PDZRN3: variants seen among roughly 807,000 people sequenced by gnomAD.
PDZRN3 encodes the protein PDZ domain containing ring finger 3.
In PDZRN3, 38 loss-of-function variants were observed where a neutral mutation model predicts 85.7. The ratio of observed to expected loss-of-function variants is 0.44; its 90% CI spans 0.34 to 0.58. The LOEUF (loss-of-function observed/expected upper bound fraction) is 0.58. Among genes scored for constraint, PDZRN3 ranks in the 20% least tolerant of loss-of-function variants. The pLI is 0.01. For missense variants in PDZRN3, 1,629 were observed against 1,506.4 expected (o/e 1.08, Z -1.35); for synonymous variants, 759 against 638.0 (o/e 1.19, Z -2.86).
In PDZRN3 at chr3:73,391,027, A is replaced by G; in HGVS notation, c.1344T>C (p.Tyr448=). 3 of 1,610,576 alleles carry G rather than the reference A, an allele frequency of 1.9e-6. No individual in the cohort carries two copies. The highest frequency in any genetic ancestry group is 2.5e-6 in the Non-Finnish European group (3 of 1,176,874). Residue 448 remains tyrosine, a synonymous_variant, in exon 6 of 10, where the codon TAT becomes TAC. Transcript: ENST00000263666. ...AAATCAGCCTTTGTACCTCACTGAT[A>G]TAAATCCCAATGTCGTCTTCATCGT... is the stretch of plus-strand genomic sequence containing the variant. The part of the protein sequence containing the change: ...RTDDEDDIGI[Y]ISEIDPNSIA...
chr3:73,446,825 T>C (rs1267863323), intron 3 of PDZRN3, among the ~76,000 whole-genome samples: 1 of 151,984 alleles, frequency 6.6e-6, no homozygotes, highest in Non-Finnish European at 1.5e-5. Context: ...TGAATCCTAC[T>C]GCATCGAGTG....
intron 3 of PDZRN3, among the ~76,000 whole-genome samples, chr3:73,582,676 C>T (rs1702218680): frequency 1.3e-5 from 2 of 152,112 alleles, no homozygotes; most frequent in South Asian, 4.1e-4. Flanking sequence ...GGAAAGCACA[C>T]AGAGCCAGAT....
At chr3:73,414,951 C>CATTA (rs140870606) in intron 3 of PDZRN3, among the ~76,000 whole-genome samples, 54 of 152,332 alleles carry the variant, frequency 3.5e-4, no homozygotes, top group African/African-American at 1.2e-3. Flanking sequence ...CAATGCTTAA[C>CATTA]ACTTCCGCGT....
At chr3:73,595,820 T>C (rs544155838) in intron 3 of PDZRN3, among the ~76,000 whole-genome samples, 5 of 152,274 alleles carry the variant, frequency 3.3e-5, no homozygotes, top group South Asian at 2.1e-4. Context: ...GATATACAGA[T>C]GGATGAATGC....
chr3:73,547,533 T>G (rs1280498820), intron 3 of PDZRN3, among the ~76,000 whole-genome samples: 1 of 152,214 alleles, frequency 6.6e-6, no homozygotes, highest in Non-Finnish European at 1.5e-5. Context: ...TTAAAGGAGC[T>G]CCTCCTCGAG....
intron 3 of PDZRN3, among the ~76,000 whole-genome samples, chr3:73,443,498 T>TGG (rs1553689624): frequency 5.4e-5 from 7 of 129,118 alleles, no homozygotes; most frequent in South Asian, 4.8e-4. Context: ...TTTTTTTTTT[T>TGG]GGGGGGGGGA....
In PDZRN3 at chr3:73,383,993, G is replaced by C; in HGVS notation, c.2573C>G (p.Ala858Gly). 2 of 1,589,798 alleles carry C rather than the reference G, an allele frequency of 1.3e-6. No homozygotes were observed. Among genetic ancestry groups the C allele is most frequent in the Non-Finnish European group, 1.7e-6 (2 of 1,170,172 alleles). ...SPTPSQKLGS[A>G]YLPSYHHSPY... ...GGAGTGGTGATAGGAGGGCAGGTAG[G>C]CGCTGCCCAGCTTCTGGCTGGGCGT... Residue 858 changes from alanine to glycine, a missense_variant, in exon 10 of 10, where the codon GCC becomes GGC. Transcript: ENST00000263666.
chr3:73,429,140 G>A (rs1442956206), intron 3 of PDZRN3, among the ~76,000 whole-genome samples: 2 of 151,826 alleles, frequency 1.3e-5, no homozygotes, highest in Admixed American at 6.6e-5. Flanking sequence ...TGAACTCCTG[G>A]GCTCGAGCAA....
chr3:73,599,606 T>C (rs921288084), intron 3 of PDZRN3, among the ~76,000 whole-genome samples: 2 of 152,250 alleles, frequency 1.3e-5, no homozygotes, highest in African/African-American at 4.8e-5. Flanking sequence ...CACATGTATG[T>C]CTTGCCATAT....
At chr3:73,479,924 G>A (rs992274470) in intron 3 of PDZRN3, among the ~76,000 whole-genome samples, 2 of 152,198 alleles carry the variant, frequency 1.3e-5, no homozygotes, top group Non-Finnish European at 2.9e-5. Context: ...AATTAGATTA[G>A]CTGCAAGGGA....
intron 3 of PDZRN3, among the ~76,000 whole-genome samples, chr3:73,547,878 G>A (rs1019726924): frequency 2.6e-5 from 4 of 152,216 alleles, no homozygotes; most frequent in Non-Finnish European, 5.9e-5. Flanking sequence ...GAAGAATGAA[G>A]CGGGGGAGGG....
chr3:73,563,025 T>A (rs1372712889), intron 3 of PDZRN3, among the ~76,000 whole-genome samples: 1 of 61,722 alleles, frequency 1.6e-5, no homozygotes, highest in African/African-American at 5.4e-5. Context: ...TTTTTTTTTT[T>A]TTTTTTTTTT....
At chr3:73,538,012 G>T (rs946266061) in intron 3 of PDZRN3, among the ~76,000 whole-genome samples, 4 of 152,130 alleles carry the variant, frequency 2.6e-5, no homozygotes, top group Admixed American at 2.0e-4. Flanking sequence ...TGTTCCAACA[G>T]GGATTTCTGG....
At chr3:73,621,499 G>A (rs1313635856) in intron 1 of PDZRN3, among the ~76,000 whole-genome samples, 1 of 152,220 alleles carries the variant, frequency 6.6e-6, no homozygotes, top group Non-Finnish European at 1.5e-5. Flanking sequence ...AGCAGGAGCA[G>A]AGAGCCGGCC....
At chr3:73,488,453 C>T (rs1227894975) in intron 3 of PDZRN3, among the ~76,000 whole-genome samples, 1 of 152,172 alleles carries the variant, frequency 6.6e-6, no homozygotes, top group Non-Finnish European at 1.5e-5. Context: ...AGGGTCTCTG[C>T]ACAGGCTGTC....
At chr3:73,431,496 T>C (rs987819507) in intron 3 of PDZRN3, among the ~76,000 whole-genome samples, 2 of 152,218 alleles carry the variant, frequency 1.3e-5, no homozygotes, top group Non-Finnish European at 2.9e-5. Flanking sequence ...CTGTAATTTA[T>C]GGAAACCTTA....
intron 3 of PDZRN3, among the ~76,000 whole-genome samples, chr3:73,499,224 G>A (rs999980631): frequency 6.6e-6 from 1 of 152,198 alleles, no homozygotes; most frequent in Non-Finnish European, 1.5e-5. Context: ...TCTGGGCACT[G>A]GTTACAAACA....
intron 3 of PDZRN3, among the ~76,000 whole-genome samples, chr3:73,520,604 T>C (rs1704342412): frequency 6.6e-6 from 1 of 152,130 alleles, no homozygotes; most frequent in South Asian, 2.1e-4. Flanking sequence ...GGCCTCCAGA[T>C]ACTTGGGTCT....
chr3:73,510,947 C>T (rs1048565609), intron 3 of PDZRN3, among the ~76,000 whole-genome samples: 3 of 152,166 alleles, frequency 2.0e-5, no homozygotes, highest in African/African-American at 7.2e-5. Context: ...TGACCACAAG[C>T]AGCTGAAACC....
Sources: gnomAD v4.1 joint callset for allele counts (sites outside exome capture counted in the v4.1 genomes callset) on GRCh38, gnomAD v4.1.1 for gene constraint, MANE v1.5 for transcripts, NCBI Gene and HGNC (gene_info 2026-07-23, HGNC 2026-07-21) for gene names.